LIG3: variants seen among roughly 807,000 people sequenced by gnomAD.
LIG3 encodes the protein ligase II, DNA, ATP-dependent.
In LIG3, 58 loss-of-function variants were observed where a neutral mutation model predicts 110.9. The observed-to-expected ratio is 0.52, with a 90% CI of 0.42 to 0.65. The LOEUF (loss-of-function observed/expected upper bound fraction) is 0.65. LIG3 is among the 30% of genes least tolerant of loss of function. The pLI, the probability that LIG3 is intolerant of heterozygous loss-of-function variation, is 0.00. For missense variants in LIG3, 1,094 were observed against 1,273.8 expected (o/e 0.86, Z 2.15); for synonymous variants, 422 against 472.8 (o/e 0.89, Z 1.39).
intron 18 of LIG3, 138 bp downstream of exon 18, chr17:35,002,242 TCCTGGTGTGTGTCCAG>T: frequency 1.3e-6 from 1 of 775,226 alleles, no homozygotes; most frequent in Admixed American, 3.3e-5. Flanking sequence ...CAGACTACAT[TCCTGGTGTGTGTCCAG>T]CCATGGGCCA....
rs2090909646 is a variant in LIG3, at chr17:35,008,265, T to C, written c.*3759T>C. On this transcript the variant is annotated 3_prime_UTR_variant, in exon 20 of 20. Coordinates refer to ENST00000378526, the MANE Select transcript of LIG3 (RefSeq NM_013975.4). ...CATCCTTTACCTACCCAGCTCTCAT[T>C]CTCTTCTAGGTTGTTCCATGGCCTC... 1 of 152,236 alleles carries C rather than the reference T, an allele frequency of 6.6e-6. No individual in the cohort carries two copies. Among genetic ancestry groups the C allele is most frequent in the African/African-American group, 2.4e-5 (1 of 41,444 alleles). The allele number at this position is 152,236 out of a possible 1,614,324, so 9.4% of individuals were successfully genotyped here.
rs372703038 is a variant in LIG3, at chr17:34,998,309, C to T, written c.1989+13C>T. 8 of 1,607,004 alleles carry T rather than the reference C, an allele frequency of 5.0e-6. No homozygotes were observed. The African/African-American group carries it at 5.4e-5, about 11-fold the overall frequency. On this transcript the variant is annotated intron_variant, in intron 13 of 19. Transcript: ENST00000378526. ...GAAGGATGTGAAGGTAAAGTGGCCTCGCTTGGCTTCTCCTGTCGACTCACT... is the reference window on the plus strand; with the variant it reads ...GAAGGATGTGAAGGTAAAGTGGCCTTGCTTGGCTTCTCCTGTCGACTCACT...
chr17:35,000,424 A>T (rs2090827604), intron 16 of LIG3, among the ~76,000 whole-genome samples: 2 of 151,306 alleles, frequency 1.3e-5, no homozygotes, highest in Non-Finnish European at 2.9e-5. Flanking sequence ...GTGGCCAGCT[A>T]ATTTTGTATT....
At chr17:35,003,147 G>A in intron 19 of LIG3, 11 of 1,561,876 alleles carry the variant, frequency 7.0e-6, no homozygotes, top group South Asian at 1.2e-5. Context: ...CTGGGTGTGG[G>A]AATGCAGCAT....
intron 15 of LIG3, 107 bp downstream of exon 15, chr17:34,999,556 G>A: frequency 7.1e-7 from 1 of 1,409,840 alleles, no homozygotes. Context: ...AGAAAGAAGG[G>A]TTGCAGCTTG....
At chr17:35,001,665 GTT>G (rs912334662) in intron 17 of LIG3, among the ~76,000 whole-genome samples, 4 of 152,182 alleles carry the variant, frequency 2.6e-5, no homozygotes, top group African/African-American at 7.2e-5. Flanking sequence ...GGGAATAAGA[GTT>G]TGCTCCTGTT....
In LIG3 at chr17:34,986,132, GT is replaced by G. The variant is rs776578545; in HGVS notation, c.691+2del. On this transcript the variant is annotated splice_donor_variant, in intron 3 of 19. Transcript: ENST00000378526. LOFTEE classifies it high-confidence loss of function. ...CCCCGGAAATTTTCTGGCTTTTCAG[GT>G]AAGATAGGTTAGGGCTACTTTAGCT... 6.2e-7 allele frequency: 1 copy of G among 1,613,916 alleles called. No individual in the cohort carries two copies.
At position 35,001,421 on chromosome 17, in the gene LIG3, G is replaced by A. The variant is rs757503160; in HGVS notation, c.2478+18G>A. 9 of 1,611,660 alleles carry A rather than the reference G, an allele frequency of 5.6e-6. No individual in the cohort carries two copies. In the Admixed American group the frequency reaches 1.0e-4, roughly 18 times the overall value. On this transcript the variant is annotated intron_variant, in intron 17 of 19. Coordinates refer to ENST00000378526, the MANE Select transcript of LIG3 (RefSeq NM_013975.4). ...AACTCAAGGTAGCAGCTCTTAGGCT[G>A]TATATGTATTCTCCACCCCACTGTC...
chr17:34,997,414 A>G lies in LIG3; in HGVS notation c.1824-324A>G. 1.5e-5 allele frequency: 4 copies of G among 265,872 alleles called. No homozygotes were observed. The South Asian group carries it at 1.5e-4, about 10-fold the overall frequency. 16.5% of individuals were successfully genotyped at this position (265,872 alleles called of 1,614,324 possible). A position where few individuals can be genotyped will look rare whatever the true frequency, so the allele number is the denominator to read the frequency against. On this transcript the variant is annotated intron_variant, in intron 11 of 19. Coordinates refer to ENST00000378526, the MANE Select transcript of LIG3 (RefSeq NM_013975.4). Reference sequence around the variant, plus strand: ...CAAAGCAGGGTGCAGGGGATAAAAAATGAGAGTTGGAGTCGTATTTCAAGT... The same window carrying G: ...CAAAGCAGGGTGCAGGGGATAAAAAGTGAGAGTTGGAGTCGTATTTCAAGT...
intron 3 of LIG3, 61 bp from the exon 4 acceptor site, chr17:34,989,405 C>T (rs2090693014): frequency 6.9e-7 from 1 of 1,453,316 alleles, no homozygotes; most frequent in South Asian, 1.2e-5. Flanking sequence ...TAGTTTCCTT[C>T]CTTCCCTTTC....
intron 12 of LIG3, 74 bp downstream of exon 12, chr17:34,997,899 C>T (rs1398846660): frequency 1.0e-5 from 11 of 1,090,374 alleles, no homozygotes; most frequent in African/African-American, 3.1e-5. Flanking sequence ...GGGTCAACTG[C>T]GACTGGAAGA....
chr17:34,995,973 C>A, intron 9 of LIG3, 91 bp from the exon 10 acceptor site: 1 of 1,492,556 alleles, frequency 6.7e-7, no homozygotes, highest in Non-Finnish European at 9.1e-7. Flanking sequence ...TGTTCTATAT[C>A]CTGTCTGGGC....
At chr17:34,988,821 G>A (rs2090686517) in intron 3 of LIG3, among the ~76,000 whole-genome samples, 1 of 152,150 alleles carries the variant, frequency 6.6e-6, no homozygotes, top group Non-Finnish European at 1.5e-5. Flanking sequence ...GAAGTCATTT[G>A]CTCTTCTCAG....
intron 19 of LIG3, chr17:35,003,031 C>G (rs758886375): frequency 1.2e-6 from 2 of 1,614,196 alleles, no homozygotes; most frequent in Non-Finnish European, 1.7e-6. Context: ...AAGAACTGTG[C>G]CAGCAGGCAG....
At chr17:34,994,901 G>A (rs1257159456) in intron 9 of LIG3, among the ~76,000 whole-genome samples, 1 of 152,144 alleles carries the variant, frequency 6.6e-6, no homozygotes, top group African/African-American at 2.4e-5. Context: ...AAAAGTTCTG[G>A]CCACCATGAA....
Position 35,002,109 on chromosome 17 carries a change from G to A in LIG3, c.2674+5G>A. 3.2e-6 allele frequency: 5 copies of A among 1,563,652 alleles called. No homozygotes were observed. Among genetic ancestry groups the A allele is most frequent in the South Asian group, 1.2e-5 (1 of 84,274 alleles). ...GTAACTCCAACAGCAAAGATGGTAAGGATAGGGAGGGGGCTGGTATGGTGA... is the reference window on the plus strand; with the variant it reads ...GTAACTCCAACAGCAAAGATGGTAAAGATAGGGAGGGGGCTGGTATGGTGA... On this transcript the variant is annotated splice_donor_5th_base_variant and intron_variant, in intron 18 of 19. Coordinates refer to ENST00000378526, the MANE Select transcript of LIG3 (RefSeq NM_013975.4).
chr17:34,983,835 G>A (rs1317508642), intron 2 of LIG3, among the ~76,000 whole-genome samples: 1 of 152,186 alleles, frequency 6.6e-6, no homozygotes, highest in African/African-American at 2.4e-5. Context: ...TAAACTCACT[G>A]AAGTGTTGGA....
chr17:34,994,541 T>G, intron 9 of LIG3, 110 bp downstream of exon 9: 1 of 1,120,794 alleles, frequency 8.9e-7, no homozygotes, highest in Non-Finnish European at 1.3e-6. Context: ...TAAGGGTTTG[T>G]TTTTTATTTG....
chr17:35,001,624 T>G (rs2142285510), intron 17 of LIG3, among the ~76,000 whole-genome samples: 1 of 152,284 alleles, frequency 6.6e-6, no homozygotes, highest in South Asian at 2.1e-4. Context: ...ACCTTGCATT[T>G]GCAAGGCCCC....
Sources: allele counts gnomAD v4.1 joint callset (sites outside exome capture counted in the v4.1 genomes callset), GRCh38; gene constraint gnomAD v4.1.1; transcripts MANE v1.5; gene names NCBI Gene and HGNC (gene_info 2026-07-23, HGNC 2026-07-21).